Variants in TRPM3 observed in about 807,000 individuals in gnomAD.
TRPM3 encodes the protein long transient receptor potential channel 3.
In TRPM3, 77 loss-of-function variants were observed where a neutral mutation model predicts 181.2. That is an observed-to-expected ratio of 0.42 (90% confidence interval 0.35 to 0.51). The LOEUF is 0.51. Ranked by LOEUF, TRPM3 falls within the 20% of genes least tolerant of loss-of-function variation. The pLI is 0.01. For synonymous variants in TRPM3, 745 were observed against 796.4 expected (o/e 0.94, Z 1.09); for missense variants, 1,759 against 2,196.7 (o/e 0.80, Z 3.98).
chr9:71,029,651 T>A (rs2057034930), intron 1 of TRPM3, among the ~76,000 whole-genome samples: 1 of 152,198 alleles, frequency 6.6e-6, no homozygotes, highest in African/African-American at 2.4e-5. Context: ...TTTCAGTACA[T>A]ATGTTCTTGA....
intron 8 of TRPM3, among the ~76,000 whole-genome samples, chr9:70,745,522 TA>T (rs1457145463): frequency 6.6e-6 from 1 of 152,218 alleles, no homozygotes; most frequent in African/African-American, 2.4e-5. Context: ...AGATAACATT[TA>T]AAAGGAGTTT....
chr9:70,752,006 G>A (rs10117306), intron 8 of TRPM3, among the ~76,000 whole-genome samples: 32,252 of 72,556 alleles, frequency 0.44, 4,012 homozygotes, highest in South Asian at 0.54. Flanking sequence ...AACAGTGTGT[G>A]TGTGTGTGTG....
At chr9:70,592,975 C>T (rs186286478) in intron 21 of TRPM3, among the ~76,000 whole-genome samples, 1 of 152,096 alleles carries the variant, frequency 6.6e-6, no homozygotes, top group Non-Finnish European at 1.5e-5. Context: ...TGTGAGCCAC[C>T]CGCCTCGGCC....
intron 3 of TRPM3, among the ~76,000 whole-genome samples, chr9:70,862,644 TTAA>T (rs1462076589): frequency 3.3e-5 from 5 of 152,112 alleles, no homozygotes; most frequent in African/African-American, 1.2e-4. Context: ...TTTAAAATGA[TTAA>T]TAATAAGAGT....
At chr9:71,115,239 CA>C (rs33993897) in intron 1 of TRPM3, among the ~76,000 whole-genome samples, 47,678 of 151,886 alleles carry the variant, frequency 0.31, 8,423 homozygotes, top group Middle Eastern at 0.41. Flanking sequence ...GGGGTCCTTC[CA>C]AGAGCTCTGG....
intron 1 of TRPM3, among the ~76,000 whole-genome samples, chr9:70,898,064 A>T (rs1381707237): frequency 6.6e-6 from 1 of 151,702 alleles, no homozygotes; most frequent in Non-Finnish European, 1.5e-5. Context: ...GACGGTCTTT[A>T]TGTTGGTTTT....
chr9:70,772,961 T>A (rs1392672251), intron 7 of TRPM3, among the ~76,000 whole-genome samples: 4 of 151,900 alleles, frequency 2.6e-5, no homozygotes, highest in Non-Finnish European at 4.4e-5. Context: ...AAATTTTTTT[T>A]ATTGTTTTAG....
intron 1 of TRPM3, among the ~76,000 whole-genome samples, chr9:71,268,869 A>T (rs1478010938): frequency 2.0e-5 from 3 of 152,152 alleles, no homozygotes; most frequent in Non-Finnish European, 4.4e-5. Context: ...AAAGAATCAG[A>T]GAAGGCTTCT....
chr9:70,917,694 C>A (rs1274428552), intron 1 of TRPM3, among the ~76,000 whole-genome samples: 1 of 151,456 alleles, frequency 6.6e-6, no homozygotes, highest in Admixed American at 6.6e-5. Context: ...GAGAAAATCA[C>A]CTTTATTAAG....
intron 1 of TRPM3, among the ~76,000 whole-genome samples, chr9:71,375,991 A>G (rs1308017102): frequency 1.3e-5 from 2 of 152,152 alleles, no homozygotes; most frequent in African/African-American, 2.4e-5. Context: ...CCGAACCTAC[A>G]ATATCTCCAA....
chr9:70,779,804 C>T (rs1328143), intron 7 of TRPM3, among the ~76,000 whole-genome samples: 62,864 of 151,840 alleles, frequency 0.41, 13,508 homozygotes, highest in African/African-American at 0.53. Flanking sequence ...AAATTAATTA[C>T]GGAAAGTGAC....
intron 1 of TRPM3, among the ~76,000 whole-genome samples, chr9:71,040,382 T>G (rs1450930112): frequency 1.3e-5 from 2 of 152,210 alleles, no homozygotes; most frequent in Non-Finnish European, 2.9e-5. Context: ...TTTCCATACT[T>G]TCTCAGCAGT....
At chr9:71,073,937 A>T (rs1397261591) in intron 1 of TRPM3, among the ~76,000 whole-genome samples, 3 of 152,242 alleles carry the variant, frequency 2.0e-5, no homozygotes, top group Non-Finnish European at 4.4e-5. Context: ...CTTCTATCAT[A>T]TAAAATTATT....
intron 1 of TRPM3, among the ~76,000 whole-genome samples, chr9:71,084,044 G>A (rs2064862194): frequency 6.6e-6 from 1 of 151,846 alleles, no homozygotes; most frequent in African/African-American, 2.4e-5. Flanking sequence ...TGGGAGACAG[G>A]GATTCTACAG....
intron 22 of TRPM3, among the ~76,000 whole-genome samples, chr9:70,584,235 C>T (rs184794362): frequency 5.3e-5 from 8 of 152,196 alleles, no homozygotes; most frequent in Non-Finnish European, 4.4e-5. Context: ...ATTTTCTTGC[C>T]TTAATTAAAA....
chr9:70,689,112 G>A (rs2067779844), intron 8 of TRPM3, among the ~76,000 whole-genome samples: 1 of 152,186 alleles, frequency 6.6e-6, no homozygotes, highest in Non-Finnish European at 1.5e-5. Context: ...TTTGTCACAA[G>A]TGTCAAGAGC....
chr9:70,650,148 A>G (rs541526454), intron 9 of TRPM3, among the ~76,000 whole-genome samples: 41 of 152,254 alleles, frequency 2.7e-4, no homozygotes, highest in African/African-American at 9.4e-4. Context: ...AGACACCAGG[A>G]CTTACTTGAG....
chr9:71,167,049 T>C (rs1258058805), intron 1 of TRPM3, among the ~76,000 whole-genome samples: 2 of 152,194 alleles, frequency 1.3e-5, no homozygotes. Context: ...TGTTCCATTT[T>C]TGTACAAAAA....
chr9:71,309,456 T>C (rs2087710554), intron 1 of TRPM3, among the ~76,000 whole-genome samples: 1 of 152,258 alleles, frequency 6.6e-6, no homozygotes, highest in South Asian at 2.1e-4. Flanking sequence ...AAAGGTGAAA[T>C]CATTTTAGTT....
Sources: allele counts gnomAD v4.1 joint callset (sites outside exome capture counted in the v4.1 genomes callset), GRCh38; gene constraint gnomAD v4.1.1; transcripts MANE v1.5; gene names NCBI Gene and HGNC (gene_info 2026-07-23, HGNC 2026-07-21).